Variants in SLC9A4 observed in about 807,000 individuals in gnomAD.
SLC9A4 encodes solute carrier family 9 member A4.
A neutral mutation model predicts 67.4 loss-of-function variants in SLC9A4; 63 were observed. That is an observed-to-expected ratio of 0.93 (90% confidence interval 0.76 to 1.15). The LOEUF is 1.15. Among genes scored for constraint, SLC9A4 ranks in the 50% most tolerant of loss-of-function variants. The pLI, the probability that SLC9A4 is intolerant of heterozygous loss-of-function variation, is 0.00. For missense variants in SLC9A4, 1,089 were observed against 987.7 expected, an observed-to-expected ratio of 1.10 and a Z score of -1.38; for synonymous variants, 393 against 367.2, an observed-to-expected ratio of 1.07 and a Z score of -0.80.
intron 2 of SLC9A4, among the ~76,000 whole-genome samples, chr2:102,486,302 T>A (rs1371359625): frequency 6.6e-6 from 1 of 152,184 alleles, no homozygotes; most frequent in Non-Finnish European, 1.5e-5. Context: ...ATACACGTAA[T>A]GCATTCAAAA....
At chr2:102,512,307 C>G in intron 7 of SLC9A4, 34 bp downstream of exon 7, 1 of 1,605,092 alleles carries the variant, frequency 6.2e-7, no homozygotes, top group Non-Finnish European at 8.5e-7. Context: ...CCCTGACAAA[C>G]TTCTAAAGGT....
Position 102,503,448 on chromosome 2 carries a change from G to T in SLC9A4, c.721G>T (p.Val241Phe). The part of the protein sequence containing the change: ...EALLNDGITV[V>F]LYNMLIAFTK... ...TTTGTTTACTCTCTTTTTTGCCTAG[G>T]TCTTATACAATATGTTAATTGCCTT... Residue 241 changes from valine (V) to phenylalanine (F), a missense_variant and splice_region_variant, in exon 3 of 12, where the codon GTC (valine) becomes TTC (phenylalanine). Val to Phe is a conservative substitution (Grantham distance 50). Transcript: ENST00000295269. 1 of 1,599,746 alleles carries T rather than the reference G, an allele frequency of 6.3e-7. No individual in the cohort carries two copies. The highest frequency in any genetic ancestry group is 1.1e-5 in the South Asian group (1 of 89,260).
intron 1 of SLC9A4, among the ~76,000 whole-genome samples, chr2:102,477,409 C>T (rs1008428755): frequency 3.9e-5 from 6 of 152,320 alleles, no homozygotes; most frequent in Middle Eastern, 6.8e-3. Context: ...CTCTGATAAA[C>T]ATTTAACTGT....
Position 102,503,683 on chromosome 2 carries a change from C to T in SLC9A4, c.956C>T (p.Thr319Ile), listed in dbSNP as rs267598811. 1.2e-6 allele frequency: 2 copies of T among 1,614,160 alleles called. No homozygotes were observed. The highest frequency in any genetic ancestry group is 4.5e-5 in the East Asian group (2 of 44,874). The change falls in exon 3 of 12, where the codon ACC becomes ATC. Residue 319 changes from threonine (T) to isoleucine (I), a missense_variant. Thr to Ile is a moderately conservative substitution (Grantham distance 89). Coordinates refer to ENST00000295269, the MANE Select transcript of SLC9A4 (RefSeq NM_001011552.4). ...TATTTGTCTTACTTAGCTGCTGAAACCCTCTATCTCTCCGGCATCCTGGCG... is the reference window on the plus strand; with the variant it reads ...TATTTGTCTTACTTAGCTGCTGAAATCCTCTATCTCTCCGGCATCCTGGCG... ...FSYLSYLAAETLYLSGILAIT... is the reference protein window; with the variant it reads ...FSYLSYLAAEILYLSGILAIT...
chr2:102,531,494 G>C (rs1424873748), intron 11 of SLC9A4, among the ~76,000 whole-genome samples: 1 of 152,108 alleles, frequency 6.6e-6, no homozygotes, highest in African/African-American at 2.4e-5. Context: ...ATACACCAAG[G>C]AGACAGCAAG....
Position 102,516,667 on chromosome 2 carries a change from A to C in SLC9A4, c.1721+2416A>C, listed in dbSNP as rs149561140. On this transcript the variant is annotated intron_variant, in intron 8 of 11. Transcript: ENST00000295269. ...GATGATGTTGATTTTTTGGAATCCC[A>C]TTGCTTTTACATACATTATCTTATT... Among the ~76,000 whole-genome samples the C allele has an allele frequency of 7.1e-3, 1,088 of 152,308 alleles. 9 individuals carry two copies. The highest frequency in any genetic ancestry group is 0.012 in the Non-Finnish European group (806 of 68,012).
At chr2:102,516,511 G>T (rs1401928072) in intron 8 of SLC9A4, among the ~76,000 whole-genome samples, 1 of 152,140 alleles carries the variant, frequency 6.6e-6, no homozygotes, top group African/African-American at 2.4e-5. Context: ...TGTATGAGAT[G>T]ATAACAACAA....
chr2:102,508,072 T>G lies in SLC9A4; in HGVS notation c.1199-7T>G. On this transcript the variant is annotated splice_region_variant and splice_polypyrimidine_tract_variant and intron_variant, in intron 4 of 11. Coordinates refer to ENST00000295269, the MANE Select transcript of SLC9A4 (RefSeq NM_001011552.4). ...CTCTGCTCTAATACACGTTTCCCCC[T>G]TTCTAGGCGTATTTGCTCTCTTCTA... 1 of 1,614,038 alleles carries G rather than the reference T, an allele frequency of 6.2e-7. No homozygotes were observed. Among genetic ancestry groups the G allele is most frequent in the South Asian group, 1.1e-5 (1 of 91,082 alleles).
chr2:102,506,937 C>G (rs768883106), intron 4 of SLC9A4, among the ~76,000 whole-genome samples: 7 of 152,126 alleles, frequency 4.6e-5, no homozygotes, highest in Non-Finnish European at 1.0e-4. Flanking sequence ...TGTTGGAATC[C>G]GGTTCTCCCG....
At chr2:102,480,179 C>T (rs1486595311) in intron 2 of SLC9A4, among the ~76,000 whole-genome samples, 2 of 152,140 alleles carry the variant, frequency 1.3e-5, no homozygotes, top group Admixed American at 6.5e-5. Flanking sequence ...CCCTCACCTC[C>T]TCCTCTATGA....
rs1674810953 is a variant in SLC9A4, at chr2:102,532,974, A to G, written c.*286A>G. The G allele has an allele frequency of 3.4e-6, 1 of 292,544 alleles. No homozygotes were observed. The highest frequency in any genetic ancestry group is 2.1e-5 in the African/African-American group (1 of 47,648). 18.1% of individuals were successfully genotyped at this position (292,544 alleles called of 1,614,324 possible). ...AAGAATTCCTAAGAACTTTCTATCA[A>G]AAGCATTGGATCCAAGCCATATATT... On this transcript the variant is annotated 3_prime_UTR_variant, in exon 12 of 12. Transcript: ENST00000295269.
intron 8 of SLC9A4, among the ~76,000 whole-genome samples, chr2:102,518,253 G>A (rs1368530184): frequency 1.3e-5 from 2 of 152,152 alleles, no homozygotes; most frequent in African/African-American, 4.8e-5. Flanking sequence ...TATATCAAGT[G>A]TAACTTTACC....
intron 2 of SLC9A4, among the ~76,000 whole-genome samples, chr2:102,500,935 CCT>C (rs1318118284): frequency 6.7e-6 from 1 of 150,276 alleles, no homozygotes; most frequent in Non-Finnish European, 1.5e-5. Flanking sequence ...TTACTGCCAA[CCT>C]CTCTGTGGAA....
chr2:102,519,982 C>G, intron 9 of SLC9A4, 27 bp downstream of exon 9: 1 of 1,601,022 alleles, frequency 6.2e-7, no homozygotes, highest in Non-Finnish European at 8.6e-7. Flanking sequence ...TGTGTTGTCC[C>G]CATTTTCTGT....
intron 2 of SLC9A4, among the ~76,000 whole-genome samples, chr2:102,495,386 T>C (rs1157574945): frequency 6.6e-6 from 1 of 152,098 alleles, no homozygotes; most frequent in Non-Finnish European, 1.5e-5. Context: ...ACCTAAATAA[T>C]GTCATATTCA....
chr2:102,532,379 C>A lies in SLC9A4; in HGVS notation c.2088C>A (p.Cys696Ter), dbSNP rs372861340. Residue 696 changes from cysteine (C) to a stop codon, truncating the protein, a stop_gained, in exon 12 of 12, where the codon TGC becomes TGA. Transcript: ENST00000295269. LOFTEE classifies it low-confidence loss of function (END_TRUNC). ...PGSPSITFSA[C>*]SRIGSLQKQE... Reference sequence around the variant, plus strand: ...CCCCATCCATCACGTTCAGCGCATGCTCTCGGATAGGGTCACTTCAGAAGC... The same window carrying A: ...CCCCATCCATCACGTTCAGCGCATGATCTCGGATAGGGTCACTTCAGAAGC... 1.1e-5 allele frequency: 18 copies of A among 1,614,166 alleles called. No homozygotes were observed. The East Asian group carries it at 3.6e-4, about 32-fold the overall frequency.
intron 2 of SLC9A4, among the ~76,000 whole-genome samples, chr2:102,486,679 C>T (rs1447554088): frequency 2.0e-5 from 3 of 152,114 alleles, no homozygotes; most frequent in Non-Finnish European, 4.4e-5. Flanking sequence ...ATCTTGGGAC[C>T]CAATCCTTTT....
intron 2 of SLC9A4, among the ~76,000 whole-genome samples, chr2:102,491,778 A>G (rs1684707901): frequency 6.6e-6 from 1 of 152,178 alleles, no homozygotes; most frequent in Non-Finnish European, 1.5e-5. Context: ...CCAAAGTCTT[A>G]ACTCATTTCA....
intron 1 of SLC9A4, among the ~76,000 whole-genome samples, chr2:102,476,447 A>G (rs7597819): frequency 0.77 from 117,697 of 152,184 alleles, 46,491 homozygotes; most frequent in African/African-American, 0.89. Flanking sequence ...TCCCTTTACA[A>G]GGCCCTACTT....
Sources: gnomAD v4.1 joint callset for allele counts (sites outside exome capture counted in the v4.1 genomes callset) on GRCh38, gnomAD v4.1.1 for gene constraint, MANE v1.5 for transcripts, NCBI Gene and HGNC (gene_info 2026-07-23, HGNC 2026-07-21) for gene names.